Variants in ACTN2 observed in about 807,000 individuals in gnomAD.
ACTN2 encodes actinin alpha 2, also known as alpha-actinin-2.
ACTN2 carries 39 observed loss-of-function variants against 113.8 expected under a neutral mutation model. The ratio of observed to expected loss-of-function variants is 0.34; its 90% CI spans 0.27 to 0.45. The LOEUF (loss-of-function observed/expected upper bound fraction) is 0.45, where lower values mean the gene tolerates loss of function less well. Among genes scored for constraint, ACTN2 ranks in the 20% least tolerant of loss-of-function variants. The probability of loss-of-function intolerance (pLI) is 1.00; values close to 1 mark genes in which losing one functional copy is unlikely to be tolerated. For synonymous variants in ACTN2, 429 were observed against 444.1 expected (o/e 0.97, Z 0.43); for missense variants, 992 against 1,177.9 (o/e 0.84, Z 2.31).
Position 236,762,693 on chromosome 1 carries a change from T to C in ACTN2, c.*74T>C. On this transcript the variant is annotated 3_prime_UTR_variant, in exon 21 of 21. Coordinates refer to ENST00000366578, the MANE Select transcript of ACTN2 (RefSeq NM_001103.4). ...AAGTCACAGTTTGTTTCCTGGAAAC[T>C]TTGACAAGCTTTATTAAGTTGAGAG... The C allele has an allele frequency of 6.5e-7, 1 of 1,543,338 alleles. No homozygotes were observed. Among genetic ancestry groups the C allele is most frequent in the South Asian group, 1.2e-5 (1 of 85,666 alleles).
intron 15 of ACTN2, 88 bp from the exon 16 acceptor site, chr1:236,753,859 C>T (rs1659471008): frequency 7.6e-7 from 1 of 1,321,254 alleles, no homozygotes; most frequent in Non-Finnish European, 1.1e-6. Flanking sequence ...ACTCCCACCC[C>T]CACCCCTTGG....
chr1:236,712,451 T>C (rs1399707131), intron 1 of ACTN2, among the ~76,000 whole-genome samples: 1 of 152,166 alleles, frequency 6.6e-6, no homozygotes, highest in Non-Finnish European at 1.5e-5. Flanking sequence ...TCATTAGGCT[T>C]AACTAAATAA....
intron 1 of ACTN2, among the ~76,000 whole-genome samples, chr1:236,709,220 GTATATATATATATATATA>G (rs758619189): frequency 9.0e-5 from 6 of 66,838 alleles, no homozygotes; most frequent in South Asian, 5.7e-4. Flanking sequence ...ACAAATGACT[GTATATATATATATATATA>G]TATATATATA....
intron 1 of ACTN2, among the ~76,000 whole-genome samples, chr1:236,709,434 G>T (rs1385828506): frequency 6.6e-6 from 1 of 150,448 alleles, no homozygotes; most frequent in Non-Finnish European, 1.5e-5. Context: ...ATTGCATGGT[G>T]TCAGAGTCAG....
At chr1:236,709,265 C>T (rs1250244805) in intron 1 of ACTN2, among the ~76,000 whole-genome samples, 2 of 126,010 alleles carry the variant, frequency 1.6e-5, no homozygotes, top group African/African-American at 6.7e-5. Context: ...TACACACACA[C>T]ACACACATAT....
intron 4 of ACTN2, among the ~76,000 whole-genome samples, chr1:236,720,625 C>G (rs1487559794): frequency 6.6e-6 from 1 of 151,774 alleles, no homozygotes. Context: ...CTTTTTTCTT[C>G]TTTTTCTTTT....
intron 1 of ACTN2, among the ~76,000 whole-genome samples, chr1:236,687,808 C>G (rs79114694): frequency 0.024 from 3,723 of 152,302 alleles, 148 homozygotes; most frequent in African/African-American, 0.085. Context: ...ACACACATCC[C>G]AAACTCCTCT....
At position 236,744,692 on chromosome 1, in the gene ACTN2, T is replaced by C; in HGVS notation, c.1322T>C (p.Leu441Pro). The change falls in exon 12 of 21, where the codon CTG (leucine) becomes CCG (proline). Residue 441 changes from leucine (L) to proline (P), a missense_variant. Leu to Pro is a moderately conservative substitution (Grantham distance 98). Around this residue, in one of 3 missense-constraint regions of ACTN2, gnomAD observed 736 missense variants for 815.4 expected, o/e 0.90. Transcript: ENST00000366578. ...SASLTEVRAL[L>P]RKHEAFESDL... is the part of the protein sequence containing the mutation. ...TCGCTGACAGAGGTGCGGGCTCTGC[T>C]GCGGAAGCACGAGGCGTTCGAGAGC... 2.5e-6 allele frequency: 4 copies of C among 1,614,214 alleles called. No homozygotes were observed. The highest frequency in any genetic ancestry group is 3.4e-6 in the Non-Finnish European group (4 of 1,180,046).
intron 7 of ACTN2, 61 bp from the exon 8 acceptor site, chr1:236,735,574 C>A: frequency 7.1e-7 from 1 of 1,416,276 alleles, no homozygotes; most frequent in Non-Finnish European, 1.0e-6. Flanking sequence ...TTCTCTCCTT[C>A]GTCTGTATGT....
At chr1:236,731,365 A>G (rs766810456) in intron 7 of ACTN2, 51 bp downstream of exon 7, 18 of 1,452,686 alleles carry the variant, frequency 1.2e-5, no homozygotes, top group Non-Finnish European at 1.5e-5. Flanking sequence ...AAGACTACAA[A>G]TGTTATGGCT....
chr1:236,746,666 C>T (rs1031625830), intron 12 of ACTN2, among the ~76,000 whole-genome samples: 1 of 151,100 alleles, frequency 6.6e-6, no homozygotes, highest in African/African-American at 2.4e-5. Context: ...TGATCACCCC[C>T]ACTGCACTCC....
At chr1:236,697,105 A>G (rs1657529961) in intron 1 of ACTN2, among the ~76,000 whole-genome samples, 3 of 152,154 alleles carry the variant, frequency 2.0e-5, no homozygotes, top group African/African-American at 7.2e-5. Context: ...AGTTTTGTAG[A>G]AGTTAAAAAT....
In ACTN2 at chr1:236,749,148, A is replaced by T; in HGVS notation, c.1540A>T (p.Ile514Phe). The T allele has an allele frequency of 6.2e-7, 1 of 1,614,182 alleles. No individual in the cohort carries two copies. Among genetic ancestry groups the T allele is most frequent in the South Asian group, 1.1e-5 (1 of 91,082 alleles). The change falls in exon 14 of 21, where the codon ATT becomes TTT. Residue 514 changes from isoleucine to phenylalanine, a missense_variant. Transcript: ENST00000366578. ...LERMEKLLET[I>F]DQLHLEFAKR... ...GAGAATGGAGAAATTGCTAGAAACC[A>T]TTGATCAGCTTCACCTGGAGTTTGC...
At chr1:236,699,422 A>G (rs1295350092) in intron 1 of ACTN2, among the ~76,000 whole-genome samples, 1 of 152,188 alleles carries the variant, frequency 6.6e-6, no homozygotes, top group African/African-American at 2.4e-5. Flanking sequence ...CCAAAGTGGG[A>G]GGGAAGGGGC....
At chr1:236,734,844 T>G (rs1488747542) in intron 7 of ACTN2, among the ~76,000 whole-genome samples, 1 of 152,200 alleles carries the variant, frequency 6.6e-6, no homozygotes, top group East Asian at 1.9e-4. Context: ...TCTGACCCAT[T>G]GACTGACCCA....
intron 4 of ACTN2, among the ~76,000 whole-genome samples, chr1:236,720,989 C>T (rs951405412): frequency 2.2e-4 from 31 of 139,562 alleles, no homozygotes; most frequent in Admixed American, 6.0e-4. Context: ...CTGCCCAGGC[C>T]ACAGTAGCCT....
chr1:236,716,969 G>C (rs929130814), intron 1 of ACTN2, among the ~76,000 whole-genome samples: 1 of 151,428 alleles, frequency 6.6e-6, no homozygotes, highest in Non-Finnish European at 1.5e-5. Flanking sequence ...TGAGTAGCTG[G>C]GACTACAGGC....
intron 4 of ACTN2, among the ~76,000 whole-genome samples, chr1:236,722,472 T>C (rs965242746): frequency 4.6e-5 from 7 of 151,654 alleles, no homozygotes; most frequent in South Asian, 2.1e-4. Flanking sequence ...CCGTCTCTAC[T>C]AAAAATACAA....
Position 236,686,598 on chromosome 1 carries a change from C to G in ACTN2, c.-76C>G. On this transcript the variant is annotated 5_prime_UTR_variant, in exon 1 of 21. Coordinates refer to ENST00000366578, the MANE Select transcript of ACTN2 (RefSeq NM_001103.4). ...GCCCGCCGCCCGCCGCCCGCCGCCT[C>G]CGTGGGTCCGTTTGCCAGTCAGCCC... is the stretch of plus-strand genomic sequence containing the variant. The G allele has an allele frequency of 1.4e-6, 2 of 1,467,726 alleles. No individual in the cohort carries two copies. Among genetic ancestry groups the G allele is most frequent in the Non-Finnish European group, 1.8e-6 (2 of 1,108,914 alleles). 90.9% of individuals were successfully genotyped at this position (1,467,726 alleles called of 1,614,324 possible). A position where few individuals can be genotyped will look rare whatever the true frequency, so the allele number is the denominator to read the frequency against.
Sources: allele counts gnomAD v4.1 joint callset (sites outside exome capture counted in the v4.1 genomes callset), GRCh38; gene constraint gnomAD v4.1.1; regional missense constraint gnomAD v4.1.1; transcripts MANE v1.5; gene names NCBI Gene and HGNC (gene_info 2026-07-23, HGNC 2026-07-21).